Variants in NRXN1 observed in about 807,000 individuals in gnomAD.
NRXN1 encodes neurexin-1.
NRXN1 carries 39 observed loss-of-function variants against 150.9 expected under a neutral mutation model. That is an observed-to-expected ratio of 0.26 (90% CI 0.20 to 0.34). NRXN1 has a LOEUF of 0.34. Ranked by LOEUF, NRXN1 falls within the 10% of genes least tolerant of loss-of-function variation. The pLI is 1.00. For synonymous variants in NRXN1, 924 were observed against 757.0 expected (o/e 1.22, Z -3.62); for missense variants, 1,815 against 1,949.9 (o/e 0.93, Z 1.30).
rs149756154 is a variant in NRXN1 at position 50,687,533 on chromosome 2, T to G, written c.833-63918A>C. 2.8e-3 allele frequency among the ~76,000 whole-genome samples: 431 copies of G among 152,294 alleles called. 5 individuals are homozygous for G. The highest frequency in any genetic ancestry group is 5.1e-3 in the Non-Finnish European group (348 of 68,024). ...ACTGTGTCTCTTCTCAGCTTCCCCT[T>G]TGCTGTTTCTAATCTGTCGTGGGCT... On this transcript the variant is annotated intron_variant, in intron 5 of 22. Transcript: ENST00000401669.
chr2:50,491,719 T>A (rs1452178782), intron 15 of NRXN1, among the ~76,000 whole-genome samples: 2 of 152,176 alleles, frequency 1.3e-5, no homozygotes, highest in African/African-American at 4.8e-5. Flanking sequence ...TTTATGTAGT[T>A]TTGCTAGGTG....
At chr2:50,216,570 G>T (rs765707348) in intron 18 of NRXN1, among the ~76,000 whole-genome samples, 1 of 151,932 alleles carries the variant, frequency 6.6e-6, no homozygotes, top group East Asian at 1.9e-4. Context: ...AATAATGGAA[G>T]TGAGCAGAGA....
At chr2:50,881,914 A>G (rs1228207826) in intron 5 of NRXN1, among the ~76,000 whole-genome samples, 2 of 151,782 alleles carry the variant, frequency 1.3e-5, no homozygotes, top group Non-Finnish European at 2.9e-5. Context: ...AAAAAAATAT[A>G]ATACAAACTT....
At chr2:50,872,489 G>A (rs879447664) in intron 5 of NRXN1, among the ~76,000 whole-genome samples, 3 of 151,734 alleles carry the variant, frequency 2.0e-5, no homozygotes, top group East Asian at 2.0e-4. Context: ...TAGAAAACTC[G>A]CAGTAGAATA....
Position 50,019,641 on chromosome 2 carries a change from C to CAAAAAAAAAAAAAAAAAAAAAAAA in NRXN1, c.4128+33629_4128+33630insTTTTTTTTTTTTTTTTTTTTTTTT, listed in dbSNP as rs764073226. Among the ~76,000 whole-genome samples the CAAAAAAAAAAAAAAAAAAAAAAAA allele has an allele frequency of 8.2e-4, 21 of 25,552 alleles. 2 individuals are homozygous for CAAAAAAAAAAAAAAAAAAAAAAAA. The highest frequency in any genetic ancestry group is 1.0e-3 in the Non-Finnish European group (16 of 15,698). The allele number at this position is 25,552 out of a possible 152,430, so 16.8% of individuals were successfully genotyped here. A position where few individuals can be genotyped will look rare whatever the true frequency, so the allele number is the denominator to read the frequency against. ...TGTAAGAAGGAGCAAGATTCCGTCT[C>CAAAAAAAAAAAAAAAAAAAAAAAA]AAAAAAAAAAAAAAAAAAAAGGAGG... On this transcript the variant is annotated intron_variant, in intron 21 of 22. Transcript: ENST00000401669.
chr2:50,723,675 G>C (rs2105142197), intron 5 of NRXN1, among the ~76,000 whole-genome samples: 1 of 152,312 alleles, frequency 6.6e-6, no homozygotes, highest in African/African-American at 2.4e-5. Flanking sequence ...GCATAGATCA[G>C]TACCTGAGAT....
intron 17 of NRXN1, among the ~76,000 whole-genome samples, chr2:50,382,799 G>T (rs1048800240): frequency 1.3e-5 from 2 of 152,076 alleles, no homozygotes; most frequent in African/African-American, 4.8e-5. Flanking sequence ...AATGTCAGTT[G>T]TCTCTGAATC....
chr2:50,388,414 G>C (rs1276425950), intron 17 of NRXN1, among the ~76,000 whole-genome samples: 1 of 151,888 alleles, frequency 6.6e-6, no homozygotes, highest in Admixed American at 6.6e-5. Flanking sequence ...GCCTTAGCTC[G>C]GGCAACACTG....
intron 5 of NRXN1, chr2:50,917,849 G>A (rs1685438146): frequency 6.6e-6 from 1 of 150,678 alleles, no homozygotes; most frequent in African/African-American, 2.4e-5. Flanking sequence ...CTAAGACAAA[G>A]ACAAAAGAAA....
intron 5 of NRXN1, among the ~76,000 whole-genome samples, chr2:50,858,575 T>TAA (rs35706466): frequency 6.7e-6 from 1 of 150,264 alleles, no homozygotes; most frequent in African/African-American, 2.4e-5. Context: ...AAAGGCTACT[T>TAA]AAAAAAAAAA....
At chr2:50,172,081 G>A (rs375240597) in intron 18 of NRXN1, among the ~76,000 whole-genome samples, 1 of 151,934 alleles carries the variant, frequency 6.6e-6, no homozygotes, top group South Asian at 2.1e-4. Flanking sequence ...GTTTCTGCAG[G>A]CTCCTAAAAA....
intron 15 of NRXN1, among the ~76,000 whole-genome samples, chr2:50,480,283 G>C (rs554492185): frequency 2.0e-5 from 3 of 152,294 alleles, no homozygotes; most frequent in Admixed American, 6.5e-5. Flanking sequence ...AGTGTGCGTA[G>C]TAATGAGAAC....
chr2:50,283,448 C>T lies in NRXN1; in HGVS notation c.3365-46478G>A, dbSNP rs80266929. On this transcript the variant is annotated intron_variant, in intron 17 of 22. Transcript: ENST00000401669. The stretch of plus-strand genomic sequence containing the variant: ...TCTTTCTTGTTTAAAACACAAAATA[C>T]ATATGCCAAAATGAATCAATAACTT... 5.3e-5 allele frequency among the ~76,000 whole-genome samples: 8 copies of T among 152,206 alleles called. No homozygotes were observed. In the South Asian group the frequency reaches 1.4e-3, roughly 28 times the overall value.
chr2:50,564,350 T>C (rs981618954), intron 8 of NRXN1, among the ~76,000 whole-genome samples: 12 of 152,164 alleles, frequency 7.9e-5, no homozygotes, highest in Non-Finnish European at 1.3e-4. Context: ...GTGTTCATTA[T>C]TTAAATTAGT....
intron 8 of NRXN1, among the ~76,000 whole-genome samples, chr2:50,588,022 G>A (rs1355202291): frequency 6.6e-6 from 1 of 152,046 alleles, no homozygotes; most frequent in Non-Finnish European, 1.5e-5. Context: ...AATAAGACTA[G>A]GCATTTTATC....
chr2:50,275,334 A>T lies in NRXN1; in HGVS notation c.3365-38364T>A, dbSNP rs369487350. On this transcript the variant is annotated intron_variant, in intron 17 of 22. Coordinates refer to ENST00000401669, the MANE Select transcript of NRXN1 (RefSeq NM_001330078.2). ...AAAAATTCTATGAAAATCAATATAG[A>T]TTTGCAGATTGTAACTTCAACAAAG... Among the ~76,000 whole-genome samples, 21 of 152,286 alleles carry T rather than the reference A, an allele frequency of 1.4e-4. 1 individual carries two copies. Among genetic ancestry groups the T allele is most frequent in the African/African-American group, 5.1e-4 (21 of 41,572 alleles).
intron 17 of NRXN1, among the ~76,000 whole-genome samples, chr2:50,373,448 A>C (rs1446616650): frequency 6.7e-6 from 1 of 149,578 alleles, no homozygotes; most frequent in African/African-American, 2.5e-5. Flanking sequence ...TCTGCTCCCT[A>C]GCTCCCATAC....
chr2:50,966,672 T>C (rs916754034), intron 2 of NRXN1, among the ~76,000 whole-genome samples: 39 of 151,814 alleles, frequency 2.6e-4, no homozygotes, highest in African/African-American at 9.2e-4. Context: ...AGAGTGGCAT[T>C]TGCTAAACAT....
intron 17 of NRXN1, among the ~76,000 whole-genome samples, chr2:50,379,175 A>G (rs1439712012): frequency 6.6e-6 from 1 of 152,190 alleles, no homozygotes; most frequent in East Asian, 1.9e-4. Context: ...GAAGAAGATA[A>G]AAGAGATGAA....
Sources: allele counts gnomAD v4.1 joint callset (sites outside exome capture counted in the v4.1 genomes callset), GRCh38; gene constraint gnomAD v4.1.1; transcripts MANE v1.5; gene names NCBI Gene and HGNC (gene_info 2026-07-23, HGNC 2026-07-21).